ZNF804B: variants seen among roughly 807,000 people sequenced by gnomAD.
The protein encoded by ZNF804B is zinc finger protein 804B, also known as zinc finger 804B.
In ZNF804B, 80 loss-of-function variants were observed where a neutral mutation model predicts 101.4. The observed-to-expected ratio is 0.79, with a 90% confidence interval of 0.66 to 0.95. ZNF804B has a LOEUF of 0.95. Ranked by LOEUF, ZNF804B falls within the 40% of genes least tolerant of loss-of-function variation. The probability of loss-of-function intolerance (pLI) is 0.00; values close to 1 mark genes in which losing one functional copy is unlikely to be tolerated. For missense variants in ZNF804B, 1,673 were observed against 1,561.9 expected, an observed-to-expected ratio of 1.07 and a Z score of -1.20; for synonymous variants, 622 against 558.8, an observed-to-expected ratio of 1.11 and a Z score of -1.59.
chr7:88,853,786 A>T (rs1035902818), intron 1 of ZNF804B, among the ~76,000 whole-genome samples: 1 of 152,112 alleles, frequency 6.6e-6, no homozygotes, highest in Non-Finnish European at 1.5e-5. Context: ...CATAAAGCTG[A>T]GTATGCACAG....
intron 1 of ZNF804B, among the ~76,000 whole-genome samples, chr7:89,143,441 T>G: frequency 6.6e-6 from 1 of 152,094 alleles, no homozygotes. Flanking sequence ...TCCCAGCTTC[T>G]AATATCTATC....
At chr7:88,935,523 T>A (rs933023655) in intron 1 of ZNF804B, among the ~76,000 whole-genome samples, 10 of 151,298 alleles carry the variant, frequency 6.6e-5, no homozygotes, top group Non-Finnish European at 1.5e-4. Context: ...ACTCTATTTA[T>A]TTTTTATTAA....
At chr7:88,847,118 A>C (rs1269768031) in intron 1 of ZNF804B, among the ~76,000 whole-genome samples, 1 of 152,042 alleles carries the variant, frequency 6.6e-6, no homozygotes, top group African/African-American at 2.4e-5. Flanking sequence ...AGTGTAAATT[A>C]GTTTATTAAA....
chr7:89,098,249 G>A (rs1789997378), intron 1 of ZNF804B, among the ~76,000 whole-genome samples: 1 of 149,624 alleles, frequency 6.7e-6, no homozygotes. Flanking sequence ...CAAATTCAGT[G>A]CAAGGCAAAA....
rs373110832 is a variant in ZNF804B at position 89,220,177 on chromosome 7, G to GCGTATATATATA, written c.249+1882_249+1883insCGTATATATATA. The stretch of plus-strand genomic sequence containing the variant: ...TATATATATACGCACATATATATGT[G>GCGTATATATATA]TGTATATATATATATCCTTGGGAAA... On this transcript the variant is annotated intron_variant, in intron 2 of 3. Transcript: ENST00000333190. 6.3e-5 allele frequency among the ~76,000 whole-genome samples: 2 copies of GCGTATATATATA among 31,838 alleles called. 1 individual carries two copies. The highest frequency in any genetic ancestry group is 2.8e-4 in the African/African-American group (2 of 7,240). 20.9% of individuals were successfully genotyped at this position (31,838 alleles called of 152,430 possible).
chr7:88,959,211 G>T (rs1793357108), intron 1 of ZNF804B, among the ~76,000 whole-genome samples: 1 of 151,330 alleles, frequency 6.6e-6, no homozygotes, highest in Admixed American at 6.6e-5. Flanking sequence ...CTTATGTATT[G>T]TCATTGTCAG....
intron 1 of ZNF804B, among the ~76,000 whole-genome samples, chr7:89,078,003 A>G (rs1789638756): frequency 6.6e-6 from 1 of 152,144 alleles, no homozygotes; most frequent in Non-Finnish European, 1.5e-5. Context: ...ATACATAAAT[A>G]AGGCTAATAA....
At chr7:89,126,794 G>A (rs2116373880) in intron 1 of ZNF804B, among the ~76,000 whole-genome samples, 1 of 151,886 alleles carries the variant, frequency 6.6e-6, no homozygotes, top group African/African-American at 2.4e-5. Flanking sequence ...TACACTGTGT[G>A]ATCCACATGA....
intron 1 of ZNF804B, among the ~76,000 whole-genome samples, chr7:88,825,295 C>A (rs186332504): frequency 6.6e-6 from 1 of 152,058 alleles, no homozygotes; most frequent in African/African-American, 2.4e-5. Context: ...GCTATGGACT[C>A]TCTCTCAATA....
chr7:89,052,486 G>A (rs1348528711), intron 1 of ZNF804B, among the ~76,000 whole-genome samples: 6 of 152,074 alleles, frequency 3.9e-5, no homozygotes, highest in Non-Finnish European at 8.8e-5. Context: ...CATTATTATA[G>A]ATTTTGAAAC....
At chr7:89,171,350 TTCTTCTTCCTCC>T (rs1791228271) in intron 1 of ZNF804B, among the ~76,000 whole-genome samples, 1 of 112,654 alleles carries the variant, frequency 8.9e-6, no homozygotes, top group Non-Finnish European at 1.9e-5. Flanking sequence ...CTTCTTCTTC[TTCTTCTTCCTCC>T]TCTTCCTCTT....
intron 1 of ZNF804B, among the ~76,000 whole-genome samples, chr7:89,025,049 CCTCTT>C (rs1788728178): frequency 6.6e-6 from 1 of 152,056 alleles, no homozygotes; most frequent in African/African-American, 2.4e-5. Context: ...CCACTCCACT[CCTCTT>C]CTAAAGTCTT....
chr7:88,983,063 C>T (rs1324257412), intron 1 of ZNF804B, among the ~76,000 whole-genome samples: 1 of 152,082 alleles, frequency 6.6e-6, no homozygotes. Context: ...TCACCCCACT[C>T]TCATATTCTA....
Position 89,014,402 on chromosome 7 carries a change from C to T in ZNF804B, c.109-203753C>T, listed in dbSNP as rs981367515. The stretch of plus-strand genomic sequence containing the variant: ...TGTGATGTTGGCTCACTGCAAGCTC[C>T]GCCTCCTGGGTTCATGCCATTCTCC... On this transcript the variant is annotated intron_variant, in intron 1 of 3. Transcript: ENST00000333190. Among the ~76,000 whole-genome samples the T allele has an allele frequency of 3.3e-5, 5 of 152,140 alleles. No individual in the cohort carries two copies. The East Asian group carries it at 5.8e-4, about 18-fold the overall frequency.
Position 89,335,392 on chromosome 7 carries a change from T to C in ZNF804B, c.2410T>C (p.Cys804Arg). The C allele has an allele frequency of 1.2e-6, 2 of 1,613,764 alleles. No individual in the cohort carries two copies. ...EKYSKRRYCH[C>R]RERQKLGKNQ... ...ATACTCAAAACGTAGATATTGTCAC[T>C]GCAGAGAAAGACAAAAACTGGGCAA... Residue 804 changes from cysteine (C) to arginine (R), a missense_variant, in exon 4 of 4, where the codon TGC (cysteine) becomes CGC (arginine). Cys to Arg is a radical substitution (Grantham distance 180). Transcript: ENST00000333190.
Position 89,336,373 on chromosome 7 carries a change from G to T in ZNF804B, c.3391G>T (p.Gly1131Ter), listed in dbSNP as rs762624250. The stretch of plus-strand genomic sequence containing the variant: ...GCAGAAACCTGACAAAGTCGAAGAC[G>T]GATTAGAAATGTGTCATAAATCTAT... ...TMQKPDKVED[G>*]LEMCHKSISP... Residue 1131 changes from glycine to a stop codon, truncating the protein, a stop_gained, in exon 4 of 4, where the codon GGA becomes TGA. Coordinates refer to ENST00000333190, the MANE Select transcript of ZNF804B (RefSeq NM_181646.5). LOFTEE classifies it high-confidence loss of function. 1.2e-6 allele frequency: 2 copies of T among 1,613,942 alleles called. No homozygotes were observed. Among genetic ancestry groups the T allele is most frequent in the South Asian group, 1.1e-5 (1 of 91,078 alleles).
intron 2 of ZNF804B, among the ~76,000 whole-genome samples, chr7:89,306,526 G>A (rs1289271534): frequency 6.6e-6 from 1 of 151,976 alleles, no homozygotes; most frequent in African/African-American, 2.4e-5. Flanking sequence ...AGTATTGAAA[G>A]CTGTGAAATT....
intron 1 of ZNF804B, among the ~76,000 whole-genome samples, chr7:89,128,005 T>C (rs1584002445): frequency 6.6e-6 from 1 of 151,846 alleles, no homozygotes; most frequent in East Asian, 1.9e-4. Context: ...TATAACTTGT[T>C]TGGCACTGAA....
chr7:89,147,277 C>A (rs7776995), intron 1 of ZNF804B, among the ~76,000 whole-genome samples: 61,383 of 151,620 alleles, frequency 0.4, 12,524 homozygotes, highest in Middle Eastern at 0.53. Flanking sequence ...CAATTATCAC[C>A]TGAATCTTTA....
Sources: gnomAD v4.1 joint callset for allele counts (sites outside exome capture counted in the v4.1 genomes callset) on GRCh38, gnomAD v4.1.1 for gene constraint, MANE v1.5 for transcripts, NCBI Gene and HGNC (gene_info 2026-07-23, HGNC 2026-07-21) for gene names.